LMBR1L: variants seen among roughly 807,000 people sequenced by gnomAD.
LMBR1L encodes limb development membrane protein 1 like.
LMBR1L carries 47 observed loss-of-function variants against 67.3 expected under a neutral mutation model. The ratio of observed to expected loss-of-function variants is 0.70; its 90% confidence interval spans 0.55 to 0.89. The LOEUF (loss-of-function observed/expected upper bound fraction) is 0.89. Among genes scored for constraint, LMBR1L ranks in the 40% least tolerant of loss-of-function variants. The pLI, the probability that LMBR1L is intolerant of heterozygous loss-of-function variation, is 0.00. For missense variants in LMBR1L, 533 were observed against 599.2 expected, an observed-to-expected ratio of 0.89 and a Z score of 1.15; for synonymous variants, 247 against 250.3, an observed-to-expected ratio of 0.99 and a Z score of 0.13.
intron 1 of LMBR1L, 25 bp downstream of exon 1, chr12:49,110,459 C>T: frequency 6.2e-7 from 1 of 1,611,536 alleles, no homozygotes; most frequent in Non-Finnish European, 8.5e-7. Flanking sequence ...ACCCCCGCTT[C>T]TCCTCGCCGG....
chr12:49,098,061 A>T lies in LMBR1L; in HGVS notation c.1285T>A (p.Trp429Arg). The part of the protein sequence containing the change: ...DLLGDFGRFN[W>R]LGNFYIVFLY... Reference sequence around the variant, plus strand: ...AACACAATGTAGAAATTGCCCAGCCAGTTGAAGCGTCCAAAGTCACCCAGC... The same window carrying T: ...AACACAATGTAGAAATTGCCCAGCCTGTTGAAGCGTCCAAAGTCACCCAGC... Residue 429 changes from tryptophan to arginine, a missense_variant, in exon 16 of 17, where the codon TGG becomes AGG. This residue lies in a region of LMBR1L where 223 missense variants were observed against 241.2 expected (regional missense o/e 0.92). Transcript: ENST00000267102. 9 of 1,614,172 alleles carry T rather than the reference A, an allele frequency of 5.6e-6. No individual in the cohort carries two copies. Among genetic ancestry groups the T allele is most frequent in the Non-Finnish European group, 7.6e-6 (9 of 1,180,024 alleles).
chr12:49,109,936 T>C (rs903714048), intron 1 of LMBR1L: 2 of 419,250 alleles, frequency 4.8e-6, no homozygotes, highest in Non-Finnish European at 9.6e-6. Context: ...GGGGAATACT[T>C]GGTTGTTCCT....
At chr12:49,102,694 C>T (rs978391274) in intron 8 of LMBR1L, among the ~76,000 whole-genome samples, 154 bp from the exon 9 acceptor site, 1 of 152,218 alleles carries the variant, frequency 6.6e-6, no homozygotes, top group Admixed American at 6.5e-5. Context: ...CAGTCCCTCC[C>T]AATTGCCCTG....
At chr12:49,106,057 C>T in intron 2 of LMBR1L, 100 bp from the exon 3 acceptor site, 1 of 995,186 alleles carries the variant, frequency 1.0e-6, no homozygotes, top group South Asian at 1.5e-5. Flanking sequence ...TCCCTGCCCC[C>T]TCAAAGAAGG....
At chr12:49,106,748 T>C (rs1940959360) in intron 2 of LMBR1L, 1 of 863,504 alleles carries the variant, frequency 1.2e-6, no homozygotes, top group Non-Finnish European at 1.9e-6. Context: ...AGGATGAAAC[T>C]GAGGATCAGA....
chr12:49,103,438 T>C (rs1278654859), intron 6 of LMBR1L, among the ~76,000 whole-genome samples: 1 of 152,210 alleles, frequency 6.6e-6, no homozygotes, highest in Non-Finnish European at 1.5e-5. Flanking sequence ...GTTAGATATC[T>C]GGATATTAAT....
At chr12:49,104,714 C>G in intron 4 of LMBR1L, 32 bp downstream of exon 4, 1 of 1,612,136 alleles carries the variant, frequency 6.2e-7, no homozygotes. Context: ...GCTCCCTATC[C>G]CTACCCCAAG....
rs1306328742 is a variant in LMBR1L, at chr12:49,097,613, C to T, written c.*59G>A. 6.4e-7 allele frequency: 1 copy of T among 1,567,336 alleles called. No homozygotes were observed. The highest frequency in any genetic ancestry group is 8.8e-7 in the Non-Finnish European group (1 of 1,141,082). On this transcript the variant is annotated 3_prime_UTR_variant, in exon 17 of 17. Coordinates refer to ENST00000267102, the MANE Select transcript of LMBR1L (RefSeq NM_018113.4). ...GGTCCAAGTAGCCTTGGGCTTCCCT[C>T]CAGGCCTAGGCAGCAGATGGCAGTG...
In LMBR1L at chr12:49,110,668, C is replaced by G; in HGVS notation, c.-113G>C. ...CCAGCCTAGGGGCCTTTCCTCGCAG[C>G]CTGCGACAGAAACTCGGGGCAGTCT... On this transcript the variant is annotated 5_prime_UTR_variant, in exon 1 of 17. Coordinates refer to ENST00000267102, the MANE Select transcript of LMBR1L (RefSeq NM_018113.4). 1 of 889,490 alleles carries G rather than the reference C, an allele frequency of 1.1e-6. No homozygotes were observed. The highest frequency in any genetic ancestry group is 1.8e-6 in the Non-Finnish European group (1 of 543,602). The allele number at this position is 889,490 out of a possible 1,614,324, so 55.1% of individuals were successfully genotyped here. A position where few individuals can be genotyped will look rare whatever the true frequency, so the allele number is the denominator to read the frequency against.
Position 49,106,351 on chromosome 12 carries a change from G to T in LMBR1L, c.158-394C>A, listed in dbSNP as rs1940908095. On this transcript the variant is annotated intron_variant, in intron 2 of 16. Transcript: ENST00000267102. ...GGGGAAGGGGAGATTCACACAGAAA[G>T]TCCCCAGGGGAATTACTCTTGGGTA... The T allele has an allele frequency of 3.5e-5, 13 of 370,266 alleles. 1 individual carries two copies. The highest frequency in any genetic ancestry group is 2.5e-4 in the South Asian group (12 of 47,330). The allele number at this position is 370,266 out of a possible 1,614,324, so 22.9% of individuals were successfully genotyped here. A position where few individuals can be genotyped will look rare whatever the true frequency, so the allele number is the denominator to read the frequency against.
intron 13 of LMBR1L, 88 bp downstream of exon 13, chr12:49,101,162 A>G: frequency 6.2e-7 from 1 of 1,612,460 alleles, no homozygotes. Flanking sequence ...AGAGTCCCAA[A>G]GGAGACAAAG....
In LMBR1L at chr12:49,103,150, T is replaced by TC; in HGVS notation, c.571dup (p.Glu191GlyfsTer57). 6.2e-7 allele frequency: 1 copy of TC among 1,613,614 alleles called. No individual in the cohort carries two copies. Among genetic ancestry groups the TC allele is most frequent in the South Asian group, 1.1e-5 (1 of 91,066 alleles). On this transcript the variant is annotated frameshift_variant, in exon 7 of 17. Coordinates refer to ENST00000267102, the MANE Select transcript of LMBR1L (RefSeq NM_018113.4). LOFTEE classifies it high-confidence loss of function. The stretch of plus-strand genomic sequence containing the variant: ...TGAGTAGAGGTAGGGGAGATAGTAC[T>TC]CCCAAAAGTCTAAGGATAAAAAAAA...
chr12:49,100,729 CTTCT>C, intron 13 of LMBR1L, 83 bp from the exon 14 acceptor site: 2 of 1,043,486 alleles, frequency 1.9e-6, no homozygotes, highest in Non-Finnish European at 2.8e-6. Flanking sequence ...TCCCAGCCCA[CTTCT>C]TTTTTTTTTT....
At position 49,102,968 on chromosome 12, in the gene LMBR1L, C is replaced by G; in HGVS notation, c.632-17G>C. 6.2e-7 allele frequency: 1 copy of G among 1,613,754 alleles called. No homozygotes were observed. The highest frequency in any genetic ancestry group is 8.5e-7 in the Non-Finnish European group (1 of 1,179,694). Reference sequence around the variant, plus strand: ...GAGTACACACTGTAGGGACAAGAGCCAGTCACTTGCCAGACCCTGCTCTCC... The same window carrying G: ...GAGTACACACTGTAGGGACAAGAGCGAGTCACTTGCCAGACCCTGCTCTCC... On this transcript the variant is annotated splice_polypyrimidine_tract_variant and intron_variant, in intron 7 of 16. Coordinates refer to ENST00000267102, the MANE Select transcript of LMBR1L (RefSeq NM_018113.4).
At chr12:49,108,561 CAAAAAAAAA>C (rs35533408) in intron 1 of LMBR1L, among the ~76,000 whole-genome samples, 3 of 47,544 alleles carry the variant, frequency 6.3e-5, no homozygotes, top group Non-Finnish European at 1.1e-4. Flanking sequence ...GACTGAGTCT[CAAAAAAAAA>C]AAAAAAAAAA....
chr12:49,106,875 T>A (rs572350984), intron 2 of LMBR1L, 86 bp downstream of exon 2: 1 of 1,128,848 alleles, frequency 8.9e-7, no homozygotes, highest in South Asian at 1.2e-5. Flanking sequence ...CCACTGCTCC[T>A]TTCCCAGTGG....
chr12:49,104,291 C>A, intron 5 of LMBR1L, 157 bp downstream of exon 5: 1 of 661,534 alleles, frequency 1.5e-6, no homozygotes, highest in Non-Finnish European at 2.7e-6. Context: ...TCCCTTTGTC[C>A]CTACAGGCCT....
rs757788870 is a variant in LMBR1L at position 49,102,350 on chromosome 12, C to A, written c.796G>T (p.Asp266Tyr). ...ACCTGTCTGTGTAGCAGCTCCATGT[C>A]TAAAGGCAGCCAGCAGGAAGTAGGA... ...CNPTSCWLPL[D>Y]MELLHRQVLA... The change falls in exon 10 of 17, where the codon GAC becomes TAC. Residue 266 changes from aspartate (D) to tyrosine (Y), a missense_variant. Asp to Tyr is a radical substitution (Grantham distance 160). Coordinates refer to ENST00000267102, the MANE Select transcript of LMBR1L (RefSeq NM_018113.4). 6.2e-7 allele frequency: 1 copy of A among 1,614,108 alleles called. No homozygotes were observed. The highest frequency in any genetic ancestry group is 1.3e-5 in the African/African-American group (1 of 74,926).
At position 49,104,806 on chromosome 12, in the gene LMBR1L, C is replaced by A. The variant is rs766898989; in HGVS notation, c.271G>T (p.Val91Leu). The A allele has an allele frequency of 6.8e-6, 11 of 1,613,904 alleles. No individual in the cohort carries two copies. The highest frequency in any genetic ancestry group is 9.3e-6 in the Non-Finnish European group (11 of 1,179,966). ...TAGTTCCGAGGCAGGGAGAGCAGCA[C>A]CTCATTGCTGATGATGGAGAAGGGC... ...LLPFSIISNE[V>L]LLSLPRNYYI... The change falls in exon 4 of 17, where the codon GTG becomes TTG. Residue 91 changes from valine to leucine, a missense_variant. Physicochemically the swap from Val to Leu is conservative, Grantham distance 32. Transcript: ENST00000267102.
Sources: gnomAD v4.1 joint callset for allele counts (sites outside exome capture counted in the v4.1 genomes callset) on GRCh38, gnomAD v4.1.1 for gene constraint, gnomAD v4.1.1 regional missense constraint, MANE v1.5 for transcripts, NCBI Gene and HGNC (gene_info 2026-07-23, HGNC 2026-07-21) for gene names.